Variants in LMAN2 observed in about 807,000 individuals in gnomAD.
LMAN2 encodes the protein lectin, mannose binding 2.
LMAN2 carries 22 observed loss-of-function variants against 39.3 expected under a neutral mutation model. That is an observed-to-expected ratio of 0.56 (90% CI 0.40 to 0.80). The LOEUF (loss-of-function observed/expected upper bound fraction) is 0.80, where lower values mean the gene tolerates loss of function less well. LMAN2 is among the 30% of genes least tolerant of loss of function. The pLI is 0.00. For missense variants in LMAN2, 494 were observed against 505.4 expected (o/e 0.98, Z 0.22); for synonymous variants, 207 against 207.8 (o/e 1.00, Z 0.03).
In LMAN2 at chr5:177,332,332, A is replaced by T. The variant is rs1761401643; in HGVS notation, c.911-86T>A. On this transcript the variant is annotated intron_variant, in intron 7 of 7. Transcript: ENST00000303127. The surrounding 1 kb of genome is among the most constrained non-coding windows in gnomAD (Gnocchi z 6.3). ...AGGAGGGCAGTGGGGATGGAACAGG[A>T]CAGCCGGCCACGGTGGGCAGGCCGG... The T allele has an allele frequency of 3.9e-6, 5 of 1,284,120 alleles. No homozygotes were observed. Among genetic ancestry groups the T allele is most frequent in the Non-Finnish European group, 5.4e-6 (5 of 919,220 alleles). The allele number at this position is 1,284,120 out of a possible 1,614,324, so 79.5% of individuals were successfully genotyped here.
At chr5:177,344,338 G>A (rs940450647) in intron 2 of LMAN2, among the ~76,000 whole-genome samples, 2 of 134,826 alleles carry the variant, frequency 1.5e-5, no homozygotes, top group Non-Finnish European at 3.1e-5. Context: ...AGGGTGGAGT[G>A]CAGTGGCGTG....
At chr5:177,350,108 G>A (rs558796825) in intron 2 of LMAN2, among the ~76,000 whole-genome samples, 6 of 152,354 alleles carry the variant, frequency 3.9e-5, no homozygotes, top group African/African-American at 1.4e-4. Flanking sequence ...GCTGAAGAAA[G>A]TATCCGCAGA....
chr5:177,340,905 C>A (rs1279458223), intron 2 of LMAN2, among the ~76,000 whole-genome samples: 1 of 151,578 alleles, frequency 6.6e-6, no homozygotes, highest in African/African-American at 2.4e-5. Context: ...CAGGCGCCCG[C>A]CACCACACCC....
At position 177,351,655 on chromosome 5, in the gene LMAN2, T is replaced by A. The variant is rs1024774189; in HGVS notation, c.-8A>T. ...CCAGCCTTCCGCCGCCATTCTCCTC[T>A]CCTCTCGGCCACTTCCGCCCTAGAA... On this transcript the variant is annotated 5_prime_UTR_variant, in exon 1 of 8. Coordinates refer to ENST00000303127, the MANE Select transcript of LMAN2 (RefSeq NM_006816.3). The A allele has an allele frequency of 6.3e-7, 1 of 1,576,974 alleles. No homozygotes were observed. The highest frequency in any genetic ancestry group is 2.2e-5 in the East Asian group (1 of 44,470).
chr5:177,336,605 G>GT (rs1761475599), intron 6 of LMAN2, among the ~76,000 whole-genome samples: 1 of 152,198 alleles, frequency 6.6e-6, no homozygotes, highest in Admixed American at 6.5e-5. Flanking sequence ...GAGGTGCCAT[G>GT]TGAGAGAAAG....
At chr5:177,334,219 C>CT in intron 7 of LMAN2, 65 bp downstream of exon 7, 1 of 1,539,982 alleles carries the variant, frequency 6.5e-7, no homozygotes, top group Non-Finnish European at 8.7e-7. Context: ...ACCCGCCAGG[C>CT]TGGCTTCACC....
In LMAN2 at chr5:177,332,681, G is replaced by A. The variant is rs1266097016; in HGVS notation, c.911-435C>T. Among the ~76,000 whole-genome samples the A allele has an allele frequency of 2.6e-5, 4 of 152,016 alleles. No homozygotes were observed. Among genetic ancestry groups the A allele is most frequent in the Non-Finnish European group, 5.9e-5 (4 of 67,974 alleles). Reference sequence around the variant, plus strand: ...TCCCAGCCCACAGCTGGATGCTCTCGGCAGCCCCCCAGGAGGGTCTCCCAG... The same window carrying A: ...TCCCAGCCCACAGCTGGATGCTCTCAGCAGCCCCCCAGGAGGGTCTCCCAG... On this transcript the variant is annotated intron_variant, in intron 7 of 7. Transcript: ENST00000303127. The surrounding 1 kb of genome is among the most constrained non-coding windows in gnomAD (Gnocchi z 6.3).
chr5:177,351,355 C>A (rs1761721159), intron 1 of LMAN2, 64 bp from the exon 2 acceptor site: 2 of 1,607,960 alleles, frequency 1.2e-6, no homozygotes, highest in Non-Finnish European at 1.7e-6. Flanking sequence ...GCAGGAAACC[C>A]ACAGAGATGC....
chr5:177,332,362 A>G lies in LMAN2; in HGVS notation c.911-116T>C. 1 of 936,006 alleles carries G rather than the reference A, an allele frequency of 1.1e-6. No individual in the cohort carries two copies. The allele number at this position is 936,006 out of a possible 1,614,324, so 58.0% of individuals were successfully genotyped here. On this transcript the variant is annotated intron_variant, in intron 7 of 7. Transcript: ENST00000303127. This position sits in a 1 kb window ranked among gnomAD's most constrained non-coding sequence, Gnocchi z 6.3. ...CGGCCACGGTGGGCAGGCCGGTCGTACTCACCCCCCTCACCGGGGAGGGGC... is the reference window on the plus strand; with the variant it reads ...CGGCCACGGTGGGCAGGCCGGTCGTGCTCACCCCCCTCACCGGGGAGGGGC...
intron 2 of LMAN2, among the ~76,000 whole-genome samples, chr5:177,348,883 C>CA (rs11314255): frequency 2.2e-3 from 180 of 83,028 alleles, no homozygotes; most frequent in East Asian, 6.9e-3. Flanking sequence ...GACTCCGTCT[C>CA]AAAAAAAAAA....
chr5:177,333,671 G>C (rs1761424802), intron 7 of LMAN2, among the ~76,000 whole-genome samples: 1 of 152,206 alleles, frequency 6.6e-6, no homozygotes, highest in Non-Finnish European at 1.5e-5. Flanking sequence ...GTGGCTCTTA[G>C]GGTGGACTTC....
In LMAN2 at chr5:177,338,464, C is replaced by T. The variant is rs750991816; in HGVS notation, c.433+24G>A. 4 of 1,601,650 alleles carry T rather than the reference C, an allele frequency of 2.5e-6. No homozygotes were observed. The Middle Eastern group carries it at 5.0e-4, about 200-fold the overall frequency. On this transcript the variant is annotated intron_variant, in intron 3 of 7. Coordinates refer to ENST00000303127, the MANE Select transcript of LMAN2 (RefSeq NM_006816.3). ...ATGCCCGTGCCCACCCCCACAGGGC[C>T]CAGCTGAGCGAACACCAGCCCACCT... is the stretch of plus-strand genomic sequence containing the variant.
At chr5:177,342,991 T>C (rs778836657) in intron 2 of LMAN2, among the ~76,000 whole-genome samples, 10 of 152,094 alleles carry the variant, frequency 6.6e-5, no homozygotes, top group Non-Finnish European at 1.0e-4. Context: ...CGGTGGCTCA[T>C]GCCTGTAGTC....
chr5:177,349,476 C>G (rs1396724383), intron 2 of LMAN2, among the ~76,000 whole-genome samples: 2 of 152,134 alleles, frequency 1.3e-5, no homozygotes, highest in African/African-American at 4.8e-5. Context: ...ATCAGCAGAG[C>G]CAAATAGAAA....
Position 177,337,825 on chromosome 5 carries a change from G to A in LMAN2, c.434-40C>T. On this transcript the variant is annotated intron_variant, in intron 3 of 7. Transcript: ENST00000303127. This position sits in a 1 kb window ranked among gnomAD's most constrained non-coding sequence, Gnocchi z 8.2. The stretch of plus-strand genomic sequence containing the variant: ...AGATGCTCTCAGAATGGGAGAAACA[G>A]GAGCCGTCCCATGGGTACCTAAAAG... The A allele has an allele frequency of 6.3e-7, 1 of 1,589,702 alleles. No individual in the cohort carries two copies.
In LMAN2 at chr5:177,351,228, T is replaced by C. The variant is rs1761718190; in HGVS notation, c.260A>G (p.Tyr87Cys). The C allele has an allele frequency of 1.9e-6, 3 of 1,614,186 alleles. No individual in the cohort carries two copies. The highest frequency in any genetic ancestry group is 2.5e-6 in the Non-Finnish European group (3 of 1,180,038). Residue 87 changes from tyrosine to cysteine, a missense_variant, in exon 2 of 8, where the codon TAC becomes TGC. By Grantham distance (194) the Tyr-to-Cys change is radical. Transcript: ENST00000303127. ...FQGSTMLTSQ[Y>C]VRLTPDERSK... Reference sequence around the variant, plus strand: ...GCGCTCGTCAGGGGTCAGACGTACGTACTGGCTCGTGAGCATAGTGCTGCC... The same window carrying C: ...GCGCTCGTCAGGGGTCAGACGTACGCACTGGCTCGTGAGCATAGTGCTGCC...
At chr5:177,339,155 C>G (rs1380095373) in intron 2 of LMAN2, among the ~76,000 whole-genome samples, 1 of 152,222 alleles carries the variant, frequency 6.6e-6, no homozygotes, top group African/African-American at 2.4e-5. Flanking sequence ...TTTCTGACTC[C>G]GAGAGCTCTG....
rs532080713 is a variant in LMAN2, at chr5:177,337,656, G to A, written c.513+50C>T. The A allele has an allele frequency of 1.5e-5, 24 of 1,607,692 alleles. No individual in the cohort carries two copies. The highest frequency in any genetic ancestry group is 3.4e-5 in the Admixed American group (2 of 59,468). The stretch of plus-strand genomic sequence containing the variant: ...AGTCCCAGGGCCCCCTCCTCTAGCC[G>A]ACTGCCCAGTCCTTCCTTTCCTGCT... On this transcript the variant is annotated intron_variant, in intron 4 of 7. Coordinates refer to ENST00000303127, the MANE Select transcript of LMAN2 (RefSeq NM_006816.3). This position sits in a 1 kb window ranked among gnomAD's most constrained non-coding sequence, Gnocchi z 8.2.
chr5:177,351,501 G>A lies in LMAN2; in HGVS notation c.147C>T (p.Gly49=). ...LGSVTADITD[G]NSEHLKREHS... Reference sequence around the variant, plus strand: ...GCTCCCGCTTGAGATGTTCACTGTTGCCGTCAGTTATATCCGCAGTCACAG... The same window carrying A: ...GCTCCCGCTTGAGATGTTCACTGTTACCGTCAGTTATATCCGCAGTCACAG... The change falls in exon 1 of 8, where the codon GGC becomes GGT. Residue 49 remains glycine, a synonymous_variant. Transcript: ENST00000303127. The A allele has an allele frequency of 6.2e-7, 1 of 1,614,206 alleles. No homozygotes were observed. The highest frequency in any genetic ancestry group is 8.5e-7 in the Non-Finnish European group (1 of 1,180,024).
Sources: allele counts gnomAD v4.1 joint callset (sites outside exome capture counted in the v4.1 genomes callset), GRCh38; gene constraint gnomAD v4.1.1; non-coding constraint Gnocchi (gnomAD v3.1); transcripts MANE v1.5; gene names NCBI Gene and HGNC (gene_info 2026-07-23, HGNC 2026-07-21).